The following RNASE9 variants were observed in gnomAD, a reference collection of about 807,000 sequenced individuals.
The protein encoded by RNASE9 is ribonuclease A family member 9 (inactive).
For synonymous variants in RNASE9, 95 were observed against 87.6 expected, an observed-to-expected ratio of 1.08 and a Z score of -0.47; for missense variants, 263 against 247.1, an observed-to-expected ratio of 1.06 and a Z score of -0.43.
At chr14:20,558,318 T>C (rs1883795610) in exon 3 of RNASE9, 1 of 617,162 alleles carries the variant, frequency 1.6e-6, no homozygotes, top group South Asian at 1.9e-5. Flanking sequence ...AGTTTGTATA[T>C]ATGTGTGTAG....
chr14:20,558,253 A>G, exon 3 of RNASE9: 5 of 532,640 alleles, frequency 9.4e-6, no homozygotes, highest in African/African-American at 1.9e-5. Flanking sequence ...TTACCTGGAG[A>G]CCTTGATCTA....
Position 20,557,085 on chromosome 14 carries a change from T to C in RNASE9, c.-16A>G. On this transcript the variant is annotated 5_prime_UTR_variant, in exon 3 of 3. Coordinates refer to ENST00000555230, the Ensembl canonical transcript of RNASE9. ...TTCTCATCATTTTTCCTGCAGACAC[T>C]AAAAGAGATAACGGGATATGTTCTA... The C allele has an allele frequency of 6.3e-7, 1 of 1,593,016 alleles. No individual in the cohort carries two copies. The highest frequency in any genetic ancestry group is 8.5e-7 in the Non-Finnish European group (1 of 1,171,546).
exon 3 of RNASE9, chr14:20,556,882 T>C: frequency 6.2e-7 from 1 of 1,614,214 alleles, no homozygotes; most frequent in Non-Finnish European, 8.5e-7. Context: ...TTTGACTTTT[T>C]CTTTGGTAGG....
chr14:20,556,567 C>G, exon 3 of RNASE9: 1 of 1,613,908 alleles, frequency 6.2e-7, no homozygotes, highest in Non-Finnish European at 8.5e-7. Context: ...TTGCCATGAA[C>G]AAGTGATAAG....
At chr14:20,559,616 TCTCA>T (rs1883872952) in exon 2 of RNASE9, 1 of 152,202 alleles carries the variant, frequency 6.6e-6, no homozygotes, top group African/African-American at 2.4e-5. Context: ...TTTCCTCAGT[TCTCA>T]CTAATTGAAA....
rs1468724907 is a variant in RNASE9 at position 20,558,377 on chromosome 14, CA to C, written c.-1309del. ...AAAGAAAGGTGGGTGTTGGGGAACA[CA>C]TCAGAAAGTAGAGACAGGAAAGTTG... On this transcript the variant is annotated 5_prime_UTR_variant, in exon 3 of 3. Coordinates refer to ENST00000555230, the Ensembl canonical transcript of RNASE9. 1.0e-5 allele frequency: 7 copies of C among 680,360 alleles called. No individual in the cohort carries two copies. The African/African-American group carries it at 1.1e-4, about 10-fold the overall frequency. The allele number at this position is 680,360 out of a possible 1,614,324, so 42.1% of individuals were successfully genotyped here. A position where few individuals can be genotyped will look rare whatever the true frequency, so the allele number is the denominator to read the frequency against.
chr14:20,559,219 G>T (rs1883848823), intron 2 of RNASE9, among the ~76,000 whole-genome samples: 1 of 151,596 alleles, frequency 6.6e-6, no homozygotes, highest in Non-Finnish European at 1.5e-5. Context: ...CAAGTAGCTG[G>T]GCCTACAGGT....
exon 3 of RNASE9, chr14:20,557,117 T>C: frequency 6.5e-7 from 1 of 1,548,402 alleles, no homozygotes; most frequent in Non-Finnish European, 8.7e-7. Flanking sequence ...TCTATTGTGA[T>C]AATGTGCTTG....
chr14:20,558,732 T>A, intron 2 of RNASE9: 1 of 739,952 alleles, frequency 1.4e-6, no homozygotes, highest in East Asian at 2.7e-5. Context: ...CCCGAGAACA[T>A]GCACAGGGCC....
chr14:20,560,043 C>T (rs1883893192), intron 1 of RNASE9, among the ~76,000 whole-genome samples: 1 of 152,058 alleles, frequency 6.6e-6, no homozygotes. Context: ...TAACCACACA[C>T]ATAAGAAGTT....
At chr14:20,556,581 G>A (rs373837965) in exon 3 of RNASE9, 14 of 1,613,674 alleles carry the variant, frequency 8.7e-6, no homozygotes, top group South Asian at 4.4e-5. Flanking sequence ...TGATAAGGAC[G>A]TAGCCCTTCC....
chr14:20,556,456 G>C (rs765052498), exon 3 of RNASE9: 1 of 1,603,536 alleles, frequency 6.2e-7, no homozygotes, highest in East Asian at 2.2e-5. Context: ...GCTCTGCTAG[G>C]GCGATATGAC....
chr14:20,556,985 C>T lies in RNASE9; in HGVS notation c.85G>A (p.Val29Met), dbSNP rs1430032801. 1.2e-6 allele frequency: 2 copies of T among 1,614,094 alleles called. No individual in the cohort carries two copies. Among genetic ancestry groups the T allele is most frequent in the Admixed American group, 1.7e-5 (1 of 60,012 alleles). Reference sequence around the variant, plus strand: ...TCTGGGAAATCAAAATCTGTATCCACCTCTTGAAACTGCACCAGCTGCAGC... The same window carrying T: ...TCTGGGAAATCAAAATCTGTATCCATCTCTTGAAACTGCACCAGCTGCAGC... The change falls in exon 3 of 3, where the codon GTG becomes ATG. Residue 29 changes from valine to methionine, a missense_variant. Transcript: ENST00000555230.
chr14:20,559,172 A>G (rs1239306341), intron 2 of RNASE9, among the ~76,000 whole-genome samples: 1 of 151,940 alleles, frequency 6.6e-6, no homozygotes, highest in Non-Finnish European at 1.5e-5. Flanking sequence ...CGGCTGACTC[A>G]GAACTCCGGG....
At position 20,556,466 on chromosome 14, in the gene RNASE9, CA is replaced by C. The variant is rs1883691539; in HGVS notation, c.603del (p.Phe201LeufsTer23). ...AGAACGCTCTGCTAGGGCGATATGA[CA>C]AAGACACCATCCTCACTGAGGAAAC... On this transcript the variant is annotated frameshift_variant, in exon 3 of 3. Transcript: ENST00000555230. LOFTEE classifies it high-confidence loss of function. 2.5e-6 allele frequency: 4 copies of C among 1,610,490 alleles called. No individual in the cohort carries two copies. The highest frequency in any genetic ancestry group is 3.4e-6 in the Non-Finnish European group (4 of 1,177,058).
At chr14:20,558,702 T>TG (rs1883817801) in intron 2 of RNASE9, 3 of 960,650 alleles carry the variant, frequency 3.1e-6, no homozygotes, top group Non-Finnish European at 4.9e-6. Context: ...CAGGCAGCTG[T>TG]GGCCCTGCCC....
At chr14:20,560,907 AAG>A (rs1883928821) in exon 1 of RNASE9, 1 of 152,202 alleles carries the variant, frequency 6.6e-6, no homozygotes, top group African/African-American at 2.4e-5. Context: ...TGACTCACAG[AAG>A]TTGGAAGTCC....
chr14:20,560,834 ACT>A (rs1883926215), intron 1 of RNASE9, 38 bp downstream of exon 1: 2 of 152,140 alleles, frequency 1.3e-5, no homozygotes, highest in South Asian at 4.1e-4. Context: ...TAGTACTAGG[ACT>A]CTCTGGTTGA....
chr14:20,556,844 G>T, exon 3 of RNASE9: 1 of 1,614,112 alleles, frequency 6.2e-7, no homozygotes, highest in Non-Finnish European at 8.5e-7. Context: ...TGATTTAGTG[G>T]CATTCCAGGT....
Sources: allele counts gnomAD v4.1 joint callset (sites outside exome capture counted in the v4.1 genomes callset), GRCh38; gene constraint gnomAD v4.1.1; transcripts MANE v1.5; gene names NCBI Gene and HGNC (gene_info 2026-07-23, HGNC 2026-07-21).